Variants in PITPNA observed in about 807,000 individuals in gnomAD.
The protein encoded by PITPNA is phosphatidylinositol transfer protein alpha isoform.
In PITPNA, 13 loss-of-function variants were observed where a neutral mutation model predicts 50.3. The ratio of observed to expected loss-of-function variants is 0.26; its 90% CI spans 0.17 to 0.41. The LOEUF is 0.41. Among genes scored for constraint, PITPNA ranks in the 10% least tolerant of loss-of-function variants. The probability of loss-of-function intolerance (pLI) is 1.00; values close to 1 mark genes in which losing one functional copy is unlikely to be tolerated. For synonymous variants in PITPNA, 120 were observed against 119.6 expected, an observed-to-expected ratio of 1.00 and a Z score of -0.02; for missense variants, 207 against 333.4, an observed-to-expected ratio of 0.62 and a Z score of 2.95.
At chr17:1,551,120 C>A (rs1045230899) in intron 3 of PITPNA, among the ~76,000 whole-genome samples, 2 of 150,270 alleles carry the variant, frequency 1.3e-5, no homozygotes, top group East Asian at 2.0e-4. Flanking sequence ...TGTTGCGGGG[C>A]GGAGTCAGCG....
intron 10 of PITPNA, among the ~76,000 whole-genome samples, chr17:1,522,064 G>A (rs1201612400): frequency 4.8e-5 from 7 of 146,714 alleles, no homozygotes; most frequent in African/African-American, 1.6e-4. Context: ...AAATACTTAT[G>A]AAACATCTTT....
chr17:1,535,549 G>C, intron 7 of PITPNA, 31 bp from the exon 8 acceptor site: 1 of 1,414,552 alleles, frequency 7.1e-7, no homozygotes. Flanking sequence ...GGGGTTGGAG[G>C]GGAGTGGGAG....
rs889441984 is a variant in PITPNA, at chr17:1,519,180, G to A, written c.*1381C>T. On this transcript the variant is annotated 3_prime_UTR_variant, in exon 12 of 12. Coordinates refer to ENST00000313486, the MANE Select transcript of PITPNA (RefSeq NM_006224.4). ...TTCTCCCACCCACTTCTTGCTTCCC[G>A]GACAAAGATTTGGTCTCCCATTAGC... 3.9e-5 allele frequency: 6 copies of A among 152,514 alleles called. No individual in the cohort carries two copies. The highest frequency in any genetic ancestry group is 2.1e-4 in the South Asian group (1 of 4,828). The allele number at this position is 152,514 out of a possible 1,614,324, so 9.4% of individuals were successfully genotyped here.
At chr17:1,523,333 A>C (rs1567574290) in intron 10 of PITPNA, among the ~76,000 whole-genome samples, 1 of 151,540 alleles carries the variant, frequency 6.6e-6, no homozygotes, top group Non-Finnish European at 1.5e-5. Context: ...TGCTAGAATG[A>C]AACTCCCTAG....
intron 7 of PITPNA, among the ~76,000 whole-genome samples, chr17:1,537,722 A>G (rs751850405): frequency 5.9e-5 from 9 of 152,194 alleles, no homozygotes; most frequent in Non-Finnish European, 1.0e-4. Flanking sequence ...AACGTTTTGA[A>G]GGTGGGGGTT....
intron 2 of PITPNA, among the ~76,000 whole-genome samples, chr17:1,558,207 G>A (rs2075747739): frequency 1.5e-5 from 2 of 131,964 alleles, no homozygotes; most frequent in African/African-American, 5.6e-5. Flanking sequence ...CTCCAGCCTG[G>A]GAAACTGAGC....
chr17:1,533,834 C>G (rs1005726659), intron 10 of PITPNA, among the ~76,000 whole-genome samples: 1 of 152,192 alleles, frequency 6.6e-6, no homozygotes, highest in Non-Finnish European at 1.5e-5. Context: ...GCTGTAGCAG[C>G]TGTATTACCC....
intron 10 of PITPNA, among the ~76,000 whole-genome samples, chr17:1,531,148 C>T (rs529347572): frequency 3.9e-5 from 6 of 152,212 alleles, no homozygotes; most frequent in South Asian, 4.2e-4. Context: ...AGGCAGAATA[C>T]GACGGAATTA....
chr17:1,537,859 G>A (rs1307592982), intron 7 of PITPNA, among the ~76,000 whole-genome samples: 1 of 152,074 alleles, frequency 6.6e-6, no homozygotes, highest in East Asian at 1.9e-4. Context: ...GGAGTGCGAT[G>A]GTGTGATCTC....
At position 1,562,602 on chromosome 17, in the gene PITPNA, T is replaced by A; in HGVS notation, c.-42A>T. On this transcript the variant is annotated 5_prime_UTR_variant, in exon 1 of 12. Coordinates refer to ENST00000313486, the MANE Select transcript of PITPNA (RefSeq NM_006224.4). The surrounding 1 kb of genome is among the most constrained non-coding windows in gnomAD (Gnocchi z 6.4). ...GTGGCTGCCCGCGGCCCGCCCGGCC[T>A]CCCGCCCGCTGCCCGCCGGCCGCTC... 1 of 1,227,600 alleles carries A rather than the reference T, an allele frequency of 8.1e-7. No homozygotes were observed. The highest frequency in any genetic ancestry group is 1.0e-6 in the Non-Finnish European group (1 of 981,868). 76.0% of individuals were successfully genotyped at this position (1,227,600 alleles called of 1,614,324 possible).
chr17:1,546,624 A>C (rs1225844536), intron 4 of PITPNA, among the ~76,000 whole-genome samples: 4 of 152,128 alleles, frequency 2.6e-5, no homozygotes. Flanking sequence ...CCACACATGG[A>C]GGCTGGTGGG....
chr17:1,544,257 G>C (rs2075662069), intron 4 of PITPNA, among the ~76,000 whole-genome samples: 1 of 152,208 alleles, frequency 6.6e-6, no homozygotes, highest in Non-Finnish European at 1.5e-5. Flanking sequence ...TCATGTAGAA[G>C]AATCCACAAG....
chr17:1,562,538 C>T lies in PITPNA; in HGVS notation c.20+3G>A, dbSNP rs774194531. ...CGCTTCCGCACGGCCGCCGGACACT[C>T]ACTACTCCTTGAGCAGCACCATGTC... is the stretch of plus-strand genomic sequence containing the variant. On this transcript the variant is annotated splice_donor_region_variant and intron_variant, in intron 1 of 11. Transcript: ENST00000313486. This position sits in a 1 kb window ranked among gnomAD's most constrained non-coding sequence, Gnocchi z 6.4. 1 of 1,436,676 alleles carries T rather than the reference C, an allele frequency of 7.0e-7. No individual in the cohort carries two copies. The highest frequency in any genetic ancestry group is 9.2e-7 in the Non-Finnish European group (1 of 1,089,290). 89.0% of individuals were successfully genotyped at this position (1,436,676 alleles called of 1,614,324 possible).
At chr17:1,560,988 C>G (rs532697828) in intron 1 of PITPNA, among the ~76,000 whole-genome samples, 1 of 152,188 alleles carries the variant, frequency 6.6e-6, no homozygotes, top group East Asian at 1.9e-4. Context: ...AAAGTGCGAT[C>G]GCTGACAAAG....
intron 4 of PITPNA, among the ~76,000 whole-genome samples, chr17:1,543,602 AC>A (rs1199533489): frequency 2.0e-5 from 3 of 152,096 alleles, no homozygotes; most frequent in African/African-American, 7.2e-5. Flanking sequence ...TGCTCCTGAG[AC>A]CGCCCGGTTC....
chr17:1,553,286 G>A (rs757058303), intron 2 of PITPNA, 137 bp from the exon 3 acceptor site: 41 of 934,126 alleles, frequency 4.4e-5, no homozygotes, highest in Non-Finnish European at 6.3e-5. Context: ...TTTCACATCA[G>A]GCCTTGCCCA....
chr17:1,561,655 C>T (rs906509222), intron 1 of PITPNA, among the ~76,000 whole-genome samples: 23 of 152,200 alleles, frequency 1.5e-4, no homozygotes, highest in Non-Finnish European at 2.5e-4. Context: ...TCATCCCAAG[C>T]TTGTTCCAAA....
intron 10 of PITPNA, among the ~76,000 whole-genome samples, 161 bp from the exon 11 acceptor site, chr17:1,521,806 C>CA (rs900908579): frequency 6.6e-5 from 10 of 151,638 alleles, no homozygotes; most frequent in African/African-American, 1.9e-4. Context: ...CATACATTTC[C>CA]AGATCTGTGT....
intron 10 of PITPNA, among the ~76,000 whole-genome samples, chr17:1,530,553 CACAA>C (rs543243797): frequency 1.3e-5 from 2 of 152,220 alleles, no homozygotes; most frequent in South Asian, 4.1e-4. Context: ...CTTCATCACT[CACAA>C]ACAAAATCTG....
Sources: allele counts gnomAD v4.1 joint callset (sites outside exome capture counted in the v4.1 genomes callset), GRCh38; gene constraint gnomAD v4.1.1; non-coding constraint Gnocchi (gnomAD v3.1); transcripts MANE v1.5; gene names NCBI Gene and HGNC (gene_info 2026-07-23, HGNC 2026-07-21).